The following PDE4D variants were observed in gnomAD, a reference collection of about 807,000 sequenced individuals.
PDE4D encodes the protein phosphodiesterase 4D.
PDE4D carries 24 observed loss-of-function variants against 87.4 expected under a neutral mutation model. That is an observed-to-expected ratio of 0.27 (90% CI 0.20 to 0.39). The LOEUF (loss-of-function observed/expected upper bound fraction) is 0.39. Among genes scored for constraint, PDE4D ranks in the 10% least tolerant of loss-of-function variants. PDE4D has a pLI of 1.00. For synonymous variants in PDE4D, 384 were observed against 383.2 expected, an observed-to-expected ratio of 1.00 and a Z score of -0.02; for missense variants, 714 against 1,041.0, an observed-to-expected ratio of 0.69 and a Z score of 4.32.
chr5:60,414,854 C>T (rs1234642462), intron 1 of PDE4D, among the ~76,000 whole-genome samples: 1 of 152,226 alleles, frequency 6.6e-6, no homozygotes, highest in African/African-American at 2.4e-5. Context: ...CATCCCCAAA[C>T]CAAGAAGCAC....
intron 5 of PDE4D, among the ~76,000 whole-genome samples, chr5:59,167,550 C>G (rs1782100334): frequency 6.6e-6 from 1 of 152,158 alleles, no homozygotes; most frequent in African/African-American, 2.4e-5. Flanking sequence ...CCCTAAATTT[C>G]TGAATTATTT....
intron 1 of PDE4D, among the ~76,000 whole-genome samples, chr5:59,871,003 A>G (rs914829582): frequency 1.3e-4 from 20 of 152,188 alleles, no homozygotes; most frequent in Non-Finnish European, 2.9e-5. Flanking sequence ...TAAACATAGA[A>G]CACGATTGTG....
rs377495740 is a variant in PDE4D at position 60,166,728 on chromosome 5, T to A, written c.42+18829A>T. On this transcript the variant is annotated intron_variant, in intron 2 of 16. Transcript: ENST00000502484. ...CAGCTTGAAGAACTCCATTAAGCAT[T>A]TTTTTTAACACAGGTCTGGCAATGA... 1.1e-4 allele frequency among the ~76,000 whole-genome samples: 16 copies of A among 152,192 alleles called. No homozygotes were observed. The East Asian group carries it at 2.5e-3, about 24-fold the overall frequency.
At chr5:59,511,183 G>C (rs1410281175) in intron 1 of PDE4D, among the ~76,000 whole-genome samples, 1 of 151,820 alleles carries the variant, frequency 6.6e-6, no homozygotes, top group Admixed American at 6.6e-5. Flanking sequence ...GATGTTTCTA[G>C]AGCCATCATT....
intron 1 of PDE4D, among the ~76,000 whole-genome samples, chr5:59,498,763 G>T (rs914806543): frequency 3.3e-5 from 5 of 152,036 alleles, no homozygotes; most frequent in Admixed American, 6.5e-5. Flanking sequence ...CAACATTGGA[G>T]GATACATATT....
intron 1 of PDE4D, among the ~76,000 whole-genome samples, chr5:59,224,402 G>A (rs1244174756): frequency 6.6e-6 from 1 of 151,842 alleles, no homozygotes; most frequent in Non-Finnish European, 1.5e-5. Flanking sequence ...TACAACATAT[G>A]TTTCTGGCTT....
intron 1 of PDE4D, among the ~76,000 whole-genome samples, chr5:60,223,865 A>T (rs1744777907): frequency 6.6e-6 from 1 of 152,152 alleles, no homozygotes; most frequent in South Asian, 2.1e-4. Flanking sequence ...TAACCAACTT[A>T]GTTCAAGATG....
chr5:59,366,327 T>C (rs1783050347), intron 1 of PDE4D, among the ~76,000 whole-genome samples: 4 of 152,214 alleles, frequency 2.6e-5, no homozygotes, highest in Admixed American at 2.6e-4. Flanking sequence ...TTCTATGTCA[T>C]ATAAAGCACA....
At chr5:60,488,992 T>C (rs1418198062), upstream of PDE4D, among the ~76,000 whole-genome samples, 2 of 152,216 alleles carry the variant, frequency 1.3e-5, no homozygotes, top group African/African-American at 4.8e-5. Context: ...TACATTTTAG[T>C]GTTAGTCATA....
At chr5:59,852,219 A>G (rs1561767336) in intron 1 of PDE4D, among the ~76,000 whole-genome samples, 1 of 152,044 alleles carries the variant, frequency 6.6e-6, no homozygotes, top group East Asian at 1.9e-4. Flanking sequence ...ATGGCACCCA[A>G]TATGATCCTA....
At chr5:59,295,216 TTAC>T (rs1160037864) in intron 1 of PDE4D, among the ~76,000 whole-genome samples, 1 of 152,180 alleles carries the variant, frequency 6.6e-6, no homozygotes, top group East Asian at 1.9e-4. Context: ...AAATAACGTT[TTAC>T]TATTGACTAA....
At chr5:59,907,858 T>G (rs1228715269) in intron 3 of PDE4D, among the ~76,000 whole-genome samples, 1 of 152,034 alleles carries the variant, frequency 6.6e-6, no homozygotes, top group African/African-American at 2.4e-5. Flanking sequence ...CTCCCAAACA[T>G]GCCCACCACA....
At chr5:59,809,930 GT>G (rs1284815241) in intron 1 of PDE4D, among the ~76,000 whole-genome samples, 4 of 152,102 alleles carry the variant, frequency 2.6e-5, no homozygotes, top group Non-Finnish European at 5.9e-5. Context: ...TTATTGCATC[GT>G]TTATTATTAC....
At chr5:60,207,291 G>A (rs569711763) in intron 1 of PDE4D, among the ~76,000 whole-genome samples, 6 of 152,180 alleles carry the variant, frequency 3.9e-5, no homozygotes, top group African/African-American at 1.4e-4. Context: ...TGGTTAAGGG[G>A]AAATGAGACT....
In PDE4D at chr5:59,944,370, CGTTT is replaced by C. The variant is rs548328391; in HGVS notation, c.272+44114_272+44117del. Among the ~76,000 whole-genome samples the C allele has an allele frequency of 2.4e-4, 36 of 149,052 alleles. 1 individual carries two copies. The highest frequency in any genetic ancestry group is 1.7e-3 in the Admixed American group (26 of 14,974). Reference sequence around the variant, plus strand: ...GGCATGCTTTTTTTTTGTTTTTGTTCGTTTGTTTGTTTGTTGTTTTGAGACGGAG... The same window carrying C: ...GGCATGCTTTTTTTTTGTTTTTGTTCGTTTGTTTGTTGTTTTGAGACGGAG... On this transcript the variant is annotated intron_variant, in intron 3 of 16. Transcript: ENST00000502484.
chr5:59,220,964 T>C (rs897611978), intron 1 of PDE4D, among the ~76,000 whole-genome samples: 7 of 152,076 alleles, frequency 4.6e-5, no homozygotes, highest in Non-Finnish European at 8.8e-5. Context: ...GCAATAATAA[T>C]AATGTTAATA....
chr5:60,430,759 G>A lies in PDE4D; in HGVS notation c.-90+57183C>T, dbSNP rs1349189483. 8.3e-5 allele frequency: 24 copies of A among 287,546 alleles called. No homozygotes were observed. In the East Asian group the frequency reaches 1.4e-3, roughly 17 times the overall value. The allele number at this position is 287,546 out of a possible 1,614,324, so 17.8% of individuals were successfully genotyped here. On this transcript the variant is annotated intron_variant, in intron 1 of 16. Coordinates refer to the PDE4D transcript ENST00000502484. The stretch of plus-strand genomic sequence containing the variant: ...GGTGATGACTCTTAACGAGCATGCC[G>A]CCTTCAAGCATCTGTTTAACAAAGC...
At chr5:59,570,073 T>C (rs1016980848) in intron 1 of PDE4D, among the ~76,000 whole-genome samples, 6 of 152,242 alleles carry the variant, frequency 3.9e-5, no homozygotes, top group Non-Finnish European at 7.3e-5. Context: ...GTGAATATCA[T>C]ACTTGGCTTC....
At chr5:59,275,803 C>T (rs1764691103) in intron 1 of PDE4D, 1 of 987,966 alleles carries the variant, frequency 1.0e-6, no homozygotes, top group African/African-American at 1.7e-5. Context: ...TCGAAGAGCG[C>T]AGGTAGAGAG....
Sources: gnomAD v4.1 joint callset for allele counts (sites outside exome capture counted in the v4.1 genomes callset) on GRCh38, gnomAD v4.1.1 for gene constraint, MANE v1.5 for transcripts, NCBI Gene and HGNC (gene_info 2026-07-23, HGNC 2026-07-21) for gene names.